Variants in FRMD4B observed in about 807,000 individuals in gnomAD.
The protein encoded by FRMD4B is FERM domain containing 4B, also known as FERM domain-containing protein 4B.
A neutral mutation model predicts 141.5 loss-of-function variants in FRMD4B; 74 were observed. The ratio of observed to expected loss-of-function variants is 0.52; its 90% CI spans 0.43 to 0.63. FRMD4B has a LOEUF of 0.63. Among genes scored for constraint, FRMD4B ranks in the 30% least tolerant of loss-of-function variants. The pLI is 0.00. For synonymous variants in FRMD4B, 506 were observed against 467.9 expected (o/e 1.08, Z -1.05); for missense variants, 1,366 against 1,253.4 (o/e 1.09, Z -1.36).
Position 69,171,684 on chromosome 3 carries a change from G to T in FRMD4B, c.*177C>A. ...TTTGAAAGGCCAAATCCTCCTTTAGGGGCTTTGTGGGGCTTGGTGTGTGAT... is the reference window on the plus strand; with the variant it reads ...TTTGAAAGGCCAAATCCTCCTTTAGTGGCTTTGTGGGGCTTGGTGTGTGAT... On this transcript the variant is annotated 3_prime_UTR_variant, in exon 23 of 23. Coordinates refer to ENST00000398540, the MANE Select transcript of FRMD4B (RefSeq NM_015123.3). 1.6e-6 allele frequency: 1 copy of T among 618,188 alleles called. No homozygotes were observed. Among genetic ancestry groups the T allele is most frequent in the Non-Finnish European group, 2.8e-6 (1 of 353,056 alleles). 38.3% of individuals were successfully genotyped at this position (618,188 alleles called of 1,614,324 possible). A position where few individuals can be genotyped will look rare whatever the true frequency, so the allele number is the denominator to read the frequency against.
intron 1 of FRMD4B, among the ~76,000 whole-genome samples, chr3:69,500,001 G>A (rs1275124346): frequency 6.6e-6 from 1 of 152,238 alleles, no homozygotes; most frequent in Non-Finnish European, 1.5e-5. Flanking sequence ...GACAGACTGG[G>A]TTCCAGAAGG....
At chr3:69,278,305 G>A (rs1225085047) in intron 5 of FRMD4B, among the ~76,000 whole-genome samples, 4 of 152,128 alleles carry the variant, frequency 2.6e-5, no homozygotes, top group Middle Eastern at 6.8e-3. Flanking sequence ...TTTATTATTT[G>A]TTTTTCTTTT....
At chr3:69,449,546 C>G (rs1266826965) in intron 1 of FRMD4B, among the ~76,000 whole-genome samples, 3 of 152,142 alleles carry the variant, frequency 2.0e-5, no homozygotes, top group Non-Finnish European at 4.4e-5. Flanking sequence ...TAACTTCCAT[C>G]CTAAAAGGAC....
At chr3:69,283,576 A>C (rs565306876) in intron 5 of FRMD4B, among the ~76,000 whole-genome samples, 1 of 152,330 alleles carries the variant, frequency 6.6e-6, no homozygotes, top group African/African-American at 2.4e-5. Flanking sequence ...TCATGAGTTG[A>C]AAATCTTCAT....
intron 2 of FRMD4B, among the ~76,000 whole-genome samples, chr3:69,413,860 C>A (rs1047200073): frequency 1.2e-4 from 19 of 152,066 alleles, no homozygotes; most frequent in Admixed American, 5.2e-4. Context: ...ACGGCTCCTA[C>A]GTGTTTCTCA....
At chr3:69,469,027 A>G (rs1472463) in intron 1 of FRMD4B, among the ~76,000 whole-genome samples, 95,380 of 152,076 alleles carry the variant, frequency 0.63, 31,054 homozygotes, top group African/African-American at 0.81. Context: ...CCAGAGATAA[A>G]TTGATTTCTT....
chr3:69,393,922 C>A lies in FRMD4B; in HGVS notation c.-1+38712G>T, dbSNP rs924264132. ...ATTTGCTAAAGAAAAGCATTTATGG[C>A]AGCATTTTTAAAATGGTGGAGTTGC... On this transcript the variant is annotated intron_variant, in intron 2 of 5. Transcript: ENST00000459638. Among the ~76,000 whole-genome samples, 3 of 152,282 alleles carry A rather than the reference C, an allele frequency of 2.0e-5. 1 individual carries two copies. The highest frequency in any genetic ancestry group is 7.2e-5 in the African/African-American group (3 of 41,560).
At chr3:69,287,561 T>C (rs1001701137) in intron 5 of FRMD4B, 191 bp downstream of exon 5, 22 of 554,534 alleles carry the variant, frequency 4.0e-5, no homozygotes, top group Non-Finnish European at 6.7e-5. Flanking sequence ...TGGTTGTCTT[T>C]CCCACTCAGA....
At chr3:69,307,102 A>G (rs980094077) in intron 3 of FRMD4B, among the ~76,000 whole-genome samples, 5 of 152,102 alleles carry the variant, frequency 3.3e-5, no homozygotes, top group African/African-American at 1.2e-4. Flanking sequence ...ACACCTCCCC[A>G]AACTGGTCAT....
At chr3:69,226,764 G>GT (rs1301041553) in intron 7 of FRMD4B, among the ~76,000 whole-genome samples, 2 of 152,168 alleles carry the variant, frequency 1.3e-5, no homozygotes, top group African/African-American at 2.4e-5. Context: ...TGATGGAACT[G>GT]TTTTTAACTC....
intron 11 of FRMD4B, among the ~76,000 whole-genome samples, chr3:69,209,261 G>T (rs2093053380): frequency 6.6e-6 from 1 of 151,788 alleles, no homozygotes; most frequent in African/African-American, 2.4e-5. Context: ...TGACAGAGGA[G>T]CCTGCCTAGG....
intron 1 of FRMD4B, among the ~76,000 whole-genome samples, chr3:69,500,554 A>G (rs1706476674): frequency 6.6e-6 from 1 of 152,070 alleles, no homozygotes; most frequent in African/African-American, 2.4e-5. Flanking sequence ...GGGCCAAGGG[A>G]ACTAACAAGG....
At chr3:69,493,954 A>C (rs1442214824) in intron 1 of FRMD4B, among the ~76,000 whole-genome samples, 1 of 152,210 alleles carries the variant, frequency 6.6e-6, no homozygotes, top group Non-Finnish European at 1.5e-5. Context: ...ATAGCTTGCT[A>C]CAGCCTCAAA....
intron 9 of FRMD4B, among the ~76,000 whole-genome samples, chr3:69,218,993 T>C (rs986722914): frequency 6.6e-6 from 1 of 151,792 alleles, no homozygotes; most frequent in Non-Finnish European, 1.5e-5. Context: ...TGAAACCCCA[T>C]CTCTACTAAA....
At chr3:69,215,023 G>A (rs911793726) in intron 11 of FRMD4B, among the ~76,000 whole-genome samples, 5 of 150,438 alleles carry the variant, frequency 3.3e-5, no homozygotes, top group African/African-American at 1.2e-4. Context: ...GGGACTATAC[G>A]CGCATGCCGC....
intron 1 of FRMD4B, among the ~76,000 whole-genome samples, chr3:69,527,002 T>A (rs1288131564): frequency 1.3e-5 from 2 of 152,176 alleles, no homozygotes; most frequent in African/African-American, 4.8e-5. Flanking sequence ...TTTCCTACTG[T>A]GCTCTGCAGA....
At chr3:69,461,585 C>T (rs1411487200) in intron 1 of FRMD4B, among the ~76,000 whole-genome samples, 1 of 127,552 alleles carries the variant, frequency 7.8e-6, no homozygotes, top group Non-Finnish European at 1.6e-5. Flanking sequence ...GATTGCATCA[C>T]TGCACTCCGC....
At chr3:69,415,841 G>T (rs1252631462) in intron 2 of FRMD4B, among the ~76,000 whole-genome samples, 1 of 152,108 alleles carries the variant, frequency 6.6e-6, no homozygotes, top group African/African-American at 2.4e-5. Context: ...ACATTGTAGG[G>T]CTCAAGGAAT....
rs577335930 is a variant in FRMD4B at position 69,373,717 on chromosome 3, A to G, written c.162+12111T>C. 3.9e-5 allele frequency among the ~76,000 whole-genome samples: 6 copies of G among 152,292 alleles called. No homozygotes were observed. The South Asian group carries it at 1.2e-3, about 32-fold the overall frequency. On this transcript the variant is annotated intron_variant, in intron 1 of 22. Transcript: ENST00000398540. ...AAGATCCCATCTAAAAAATAAAAAA[A>G]TACAAAAAATTGCTGGGTGTGGTGG...
Sources: gnomAD v4.1 joint callset for allele counts (sites outside exome capture counted in the v4.1 genomes callset) on GRCh38, gnomAD v4.1.1 for gene constraint, MANE v1.5 for transcripts, NCBI Gene and HGNC (gene_info 2026-07-23, HGNC 2026-07-21) for gene names.